BNC1: variants seen among roughly 807,000 people sequenced by gnomAD.
BNC1 encodes basonuclin zinc finger protein 1, also known as zinc finger protein basonuclin-1.
In BNC1, 8 loss-of-function variants were observed where a neutral mutation model predicts 66.5. That is an observed-to-expected ratio of 0.12 (90% confidence interval 0.07 to 0.22). BNC1 has a LOEUF of 0.22. Ranked by LOEUF, BNC1 falls within the 10% of genes least tolerant of loss-of-function variation. BNC1 has a pLI of 1.00. For synonymous variants in BNC1, 454 were observed against 452.6 expected (o/e 1.00, Z -0.04); for missense variants, 1,069 against 1,241.3 (o/e 0.86, Z 2.09).
In BNC1 at chr15:83,258,137, G is replaced by A. The variant is rs201724254; in HGVS notation, c.2301-11C>T. The A allele has an allele frequency of 5.7e-5, 90 of 1,581,006 alleles. No homozygotes were observed. The African/African-American group carries it at 1.1e-3, about 19-fold the overall frequency. ...AGGTTTGAGCTGTGTCTACAAGAGT[G>A]AAAAGATGGTTAGTAATGGGTTGGG... On this transcript the variant is annotated splice_polypyrimidine_tract_variant and intron_variant, in intron 4 of 4. Transcript: ENST00000345382.
chr15:83,274,193 G>GT (rs979190304), intron 1 of BNC1, among the ~76,000 whole-genome samples: 1 of 152,120 alleles, frequency 6.6e-6, no homozygotes, highest in African/African-American at 2.4e-5. Flanking sequence ...GACCATCCTG[G>GT]CTAACACGGC....
chr15:83,268,327 C>T, intron 1 of BNC1, 95 bp from the exon 2 acceptor site: 1 of 1,175,486 alleles, frequency 8.5e-7, no homozygotes, highest in African/African-American at 1.5e-5. Flanking sequence ...CATTCGGCAG[C>T]ACTTATTGAG....
intron 1 of BNC1, among the ~76,000 whole-genome samples, chr15:83,274,620 T>C (rs1037684903): frequency 6.6e-6 from 1 of 152,178 alleles, no homozygotes; most frequent in East Asian, 1.9e-4. Flanking sequence ...ATTTTAAACC[T>C]CACTACAGTA....
chr15:83,271,906 G>A (rs1379418075), intron 1 of BNC1, among the ~76,000 whole-genome samples: 2 of 152,282 alleles, frequency 1.3e-5, no homozygotes, highest in East Asian at 1.9e-4. Context: ...TACCTTGAAT[G>A]TAAGTTAAAG....
intron 1 of BNC1, among the ~76,000 whole-genome samples, chr15:83,272,302 C>A (rs539369006): frequency 1.2e-4 from 19 of 152,120 alleles, no homozygotes; most frequent in African/African-American, 4.6e-4. Flanking sequence ...ACAATCTCGG[C>A]TCAATGCAAC....
chr15:83,257,981 G>T lies in BNC1; in HGVS notation c.2446C>A (p.Gln816Lys). The T allele has an allele frequency of 2.5e-6, 4 of 1,614,176 alleles. No homozygotes were observed. Among genetic ancestry groups the T allele is most frequent in the Non-Finnish European group, 3.4e-6 (4 of 1,180,020 alleles). ...QDVAFTQQAS[Q>K]TSVIFKGTSR... is the part of the protein sequence containing the mutation. Reference sequence around the variant, plus strand: ...GTTCCTTTGAAGATGACAGATGTCTGGGAGGCTTGCTGTGTAAAAGCCACA... The same window carrying T: ...GTTCCTTTGAAGATGACAGATGTCTTGGAGGCTTGCTGTGTAAAAGCCACA... Residue 816 changes from glutamine (Q) to lysine (K), a missense_variant, in exon 5 of 5, where the codon CAG becomes AAG. Coordinates refer to ENST00000345382, the MANE Select transcript of BNC1 (RefSeq NM_001717.4).
At chr15:83,258,971 TAA>T (rs1189427992) in intron 4 of BNC1, among the ~76,000 whole-genome samples, 2 of 152,250 alleles carry the variant, frequency 1.3e-5, no homozygotes, top group Non-Finnish European at 1.5e-5. Context: ...CCAAAAATTC[TAA>T]AAGTGTGGTT....
chr15:83,258,795 A>G (rs1457334886), intron 4 of BNC1, among the ~76,000 whole-genome samples: 4 of 152,254 alleles, frequency 2.6e-5, no homozygotes, highest in Non-Finnish European at 5.9e-5. Flanking sequence ...TGTGGCTAGT[A>G]TCATATGTTG....
chr15:83,258,124 T>G lies in BNC1; in HGVS notation c.2303A>C (p.His768Pro). 1.3e-6 allele frequency: 2 copies of G among 1,592,260 alleles called. No individual in the cohort carries two copies. Among genetic ancestry groups the G allele is most frequent in the Non-Finnish European group, 1.7e-6 (2 of 1,163,404 alleles). The change falls in exon 5 of 5, where the codon CAC (histidine) becomes CCC (proline). Residue 768 changes from histidine (H) to proline (P), a missense_variant and splice_region_variant. His to Pro is a moderately conservative substitution (Grantham distance 77). Around this residue, in one of 7 missense-constraint regions of BNC1, gnomAD observed 657 missense variants for 715.8 expected, o/e 0.92. Transcript: ENST00000345382. ...TFPSRRSRDRHSSNLNLHQKA... is the reference protein window; with the variant it reads ...TFPSRRSRDRPSSNLNLHQKA... ...TTGGTGGAGGTTTAGGTTTGAGCTG[T>G]GTCTACAAGAGTGAAAAGATGGTTA...
chr15:83,257,179 TG>T lies in BNC1; in HGVS notation c.*262del. 1.9e-6 allele frequency: 1 copy of T among 524,370 alleles called. No individual in the cohort carries two copies. The highest frequency in any genetic ancestry group is 3.4e-6 in the Non-Finnish European group (1 of 296,522). The allele number at this position is 524,370 out of a possible 1,614,324, so 32.5% of individuals were successfully genotyped here. On this transcript the variant is annotated 3_prime_UTR_variant, in exon 5 of 5. Coordinates refer to ENST00000345382, the MANE Select transcript of BNC1 (RefSeq NM_001717.4). The stretch of plus-strand genomic sequence containing the variant: ...GTCCCAGGGAACATGTAAACAAATC[TG>T]GGAAAAATCACATTTCTGCAAGTTT...
chr15:83,274,478 TCTATTGGACAGTGG>T (rs1238686823), intron 1 of BNC1, among the ~76,000 whole-genome samples: 7 of 152,196 alleles, frequency 4.6e-5, no homozygotes, highest in African/African-American at 1.4e-4. Context: ...TAGTGGCTAC[TCTATTGGACAGTGG>T]AGATACACAA....
rs536159058 is a variant in BNC1, at chr15:83,283,055, A to G, written c.99+1475T>C. ...ACCAGGGGACGTTACCGAACCCCCG[A>G]GCGTCTGATGCCCCCCGCCCCCCAA... On this transcript the variant is annotated intron_variant, in intron 1 of 4. Transcript: ENST00000345382. 8.3e-4 allele frequency: 996 copies of G among 1,195,278 alleles called. 1 individual carries two copies. Among genetic ancestry groups the G allele is most frequent in the Non-Finnish European group, 1.1e-3 (957 of 849,524 alleles). The allele number at this position is 1,195,278 out of a possible 1,614,324, so 74.0% of individuals were successfully genotyped here.
Position 83,263,083 on chromosome 15 carries a change from T to A in BNC1, c.2168A>T (p.Asp723Val). The change falls in exon 4 of 5, where the codon GAC becomes GTC. Residue 723 changes from aspartate to valine, a missense_variant. Coordinates refer to ENST00000345382, the MANE Select transcript of BNC1 (RefSeq NM_001717.4). ...RQIEENRFQC[D>V]ICKKTFKNAC... ...ATTTTTAAAGGTCTTCTTGCAGATG[T>A]CACACTGGAAGCGATTTTCTTCTAT... 1 of 1,614,232 alleles carries A rather than the reference T, an allele frequency of 6.2e-7. No individual in the cohort carries two copies. Among genetic ancestry groups the A allele is most frequent in the South Asian group, 1.1e-5 (1 of 91,086 alleles).
At chr15:83,273,143 T>C (rs1034560014) in intron 1 of BNC1, among the ~76,000 whole-genome samples, 2 of 152,314 alleles carry the variant, frequency 1.3e-5, no homozygotes, top group African/African-American at 4.8e-5. Flanking sequence ...ATGAGCCCAT[T>C]TGAATAAGGC....
Position 83,267,009 on chromosome 15 carries a change from T to C in BNC1, c.262A>G (p.Asn88Asp), listed in dbSNP as rs757205914. The C allele has an allele frequency of 1.9e-6, 3 of 1,613,988 alleles. No homozygotes were observed. Among genetic ancestry groups the C allele is most frequent in the South Asian group, 1.1e-5 (1 of 91,076 alleles). The change falls in exon 3 of 5, where the codon AAT becomes GAT. Residue 88 changes from asparagine (N) to aspartate (D), a missense_variant. Asn to Asp is a conservative substitution (Grantham distance 23). This residue lies in a region of BNC1 where 30 missense variants were observed against 20.2 expected (regional missense o/e 1.49). Transcript: ENST00000345382. Reference protein sequence around the residue: ...PTSQVEIVQSNVVFDISSLML... With the variant: ...PTSQVEIVQSDVVFDISSLML... The stretch of plus-strand genomic sequence containing the variant: ...AGGCTGCTAATATCAAACACTACAT[T>C]GGACTGGACAATCTCCACCTGGCTT...
At chr15:83,267,867 T>C (rs193062686) in intron 2 of BNC1, among the ~76,000 whole-genome samples, 17 of 152,314 alleles carry the variant, frequency 1.1e-4, no homozygotes, top group African/African-American at 3.6e-4. Context: ...CTGTAATAGA[T>C]AGAACAGAAT....
chr15:83,267,937 G>T (rs1449855392), intron 2 of BNC1, among the ~76,000 whole-genome samples, 196 bp downstream of exon 2: 3 of 152,138 alleles, frequency 2.0e-5, no homozygotes. Context: ...TTAGAATGAG[G>T]TTAATAAGAC....
Position 83,279,529 on chromosome 15 carries a change from C to T in BNC1, c.99+5001G>A, listed in dbSNP as rs950519800. Among the ~76,000 whole-genome samples the T allele has an allele frequency of 4.6e-5, 7 of 152,138 alleles. No individual in the cohort carries two copies. In the East Asian group the frequency reaches 1.3e-3, roughly 29 times the overall value. ...GCAAGAAATACCACAAGCCTAGGTA[C>T]AATGTAAAGCTTAACATGTACATAT... On this transcript the variant is annotated intron_variant, in intron 1 of 4. Transcript: ENST00000345382.
At position 83,264,054 on chromosome 15, in the gene BNC1, T is replaced by C. The variant is rs529712761; in HGVS notation, c.1197A>G (p.Leu399=). Residue 399 remains leucine (L), a synonymous_variant, in exon 4 of 5, where the codon CTA becomes CTG. Transcript: ENST00000345382. ...TGGCGCTATGGCGATTCCGGCTCCT[T>C]AGGGAGCTGAACACCATGTTACACC... The part of the protein sequence containing the change: ...IEGCNMVFSS[L]RSRNRHSANP... 80 of 1,614,170 alleles carry C rather than the reference T, an allele frequency of 5.0e-5. No homozygotes were observed. The South Asian group carries it at 7.1e-4, about 14-fold the overall frequency.
Sources: gnomAD v4.1 joint callset for allele counts (sites outside exome capture counted in the v4.1 genomes callset) on GRCh38, gnomAD v4.1.1 for gene constraint, gnomAD v4.1.1 regional missense constraint, MANE v1.5 for transcripts, NCBI Gene and HGNC (gene_info 2026-07-23, HGNC 2026-07-21) for gene names.